The following ANKS1B variants were observed in gnomAD, a reference collection of about 807,000 sequenced individuals.
ANKS1B encodes ankyrin repeat and sterile alpha motif domain containing 1B, also known as ankyrin repeat and sterile alpha motif domain-containing protein 1B.
Under a neutral mutation model 148.3 loss-of-function variants are expected in ANKS1B, and 36 were observed. The observed-to-expected ratio is 0.24, with a 90% CI of 0.19 to 0.32. ANKS1B has a LOEUF of 0.32. Ranked by LOEUF, ANKS1B falls within the 10% of genes least tolerant of loss-of-function variation. The pLI is 1.00. For missense variants in ANKS1B, 1,157 were observed against 1,542.6 expected (o/e 0.75, Z 4.19); for synonymous variants, 542 against 560.8 (o/e 0.97, Z 0.47).
intron 12 of ANKS1B, among the ~76,000 whole-genome samples, chr12:99,268,263 T>A (rs1171897371): frequency 2.0e-5 from 3 of 152,210 alleles, no homozygotes; most frequent in Non-Finnish European, 2.9e-5. Flanking sequence ...ATCTGTCATA[T>A]TAAAAGTAAC....
intron 1 of ANKS1B, among the ~76,000 whole-genome samples, chr12:99,879,743 C>T (rs1768350223): frequency 6.6e-6 from 1 of 152,114 alleles, no homozygotes; most frequent in Non-Finnish European, 1.5e-5. Context: ...GTACCTGTTG[C>T]TTTTGTTTGT....
rs149455804 is a variant in ANKS1B at position 99,760,038 on chromosome 12, A to C, written c.1128+12884T>G. On this transcript the variant is annotated intron_variant, in intron 8 of 26. Transcript: ENST00000683438. ...CCTCACAAATGTCATAAAGTTCAAA[A>C]CATAAAAATTAAAATATTTTAGAAA... 2.1e-3 allele frequency among the ~76,000 whole-genome samples: 314 copies of C among 152,054 alleles called. 5 individuals are homozygous for C. Among genetic ancestry groups the C allele is most frequent in the African/African-American group, 5.9e-3 (246 of 41,550 alleles).
intron 12 of ANKS1B, among the ~76,000 whole-genome samples, chr12:99,319,894 C>A (rs1305709234): frequency 6.6e-6 from 1 of 152,168 alleles, no homozygotes. Flanking sequence ...CTAGTGGTGA[C>A]AAAGTCTCTC....
chr12:98,820,852 A>G (rs1437064694), intron 19 of ANKS1B, among the ~76,000 whole-genome samples: 2 of 152,164 alleles, frequency 1.3e-5, no homozygotes, highest in Non-Finnish European at 2.9e-5. Flanking sequence ...TGGGCTTACA[A>G]GCTGGAAAAC....
chr12:99,280,192 A>ATG (rs201435384), intron 12 of ANKS1B, among the ~76,000 whole-genome samples: 6,868 of 150,984 alleles, frequency 0.045, 259 homozygotes, highest in African/African-American at 0.1. Context: ...GTGTACGTGC[A>ATG]TGTGTGTGTG....
chr12:99,182,415 A>C (rs1290680794), intron 14 of ANKS1B, among the ~76,000 whole-genome samples: 1 of 152,186 alleles, frequency 6.6e-6, no homozygotes, highest in Admixed American at 6.5e-5. Flanking sequence ...GAACATGCAA[A>C]GCTTTTCCTT....
chr12:98,741,528 C>G (rs1329079416), downstream of ANKS1B, among the ~76,000 whole-genome samples: 1 of 152,130 alleles, frequency 6.6e-6, no homozygotes, highest in Non-Finnish European at 1.5e-5. Context: ...TTCTGCCTGG[C>G]AACAATCAGC....
intron 2 of ANKS1B, among the ~76,000 whole-genome samples, chr12:99,812,558 CAGAG>C (rs113030122): frequency 0.043 from 3,164 of 73,452 alleles, 80 homozygotes; most frequent in African/African-American, 0.091. Context: ...CACACACACA[CAGAG>C]AGAGAGAGAG....
At chr12:98,990,440 T>G (rs2099925898) in intron 17 of ANKS1B, among the ~76,000 whole-genome samples, 1 of 151,960 alleles carries the variant, frequency 6.6e-6, no homozygotes, top group South Asian at 2.1e-4. Context: ...GAGTCAATGT[T>G]TTTTTTCTAA....
At chr12:99,457,727 C>G (rs2095870178) in intron 10 of ANKS1B, among the ~76,000 whole-genome samples, 1 of 151,964 alleles carries the variant, frequency 6.6e-6, no homozygotes, top group Admixed American at 6.6e-5. Context: ...AGGAAAACAT[C>G]ACAAACCTAA....
intron 12 of ANKS1B, among the ~76,000 whole-genome samples, chr12:99,391,375 T>A (rs990323521): frequency 6.6e-6 from 1 of 152,172 alleles, no homozygotes; most frequent in Admixed American, 6.5e-5. Flanking sequence ...ACTGCTGTCA[T>A]TTCTCTCCTT....
chr12:99,341,566 A>T (rs543188460), intron 12 of ANKS1B, among the ~76,000 whole-genome samples: 1 of 152,250 alleles, frequency 6.6e-6, no homozygotes, highest in East Asian at 1.9e-4. Context: ...AAATTTGCTC[A>T]GTAGAACCAA....
In ANKS1B at chr12:99,504,577, A is replaced by G. The variant is rs1342555921; in HGVS notation, c.1337T>C (p.Phe446Ser). The G allele has an allele frequency of 6.2e-7, 1 of 1,612,558 alleles. No homozygotes were observed. Among genetic ancestry groups the G allele is most frequent in the Non-Finnish European group, 8.5e-7 (1 of 1,179,248 alleles). ...EIVPSASLDTFPSENENFLCD... is the reference protein window; with the variant it reads ...EIVPSASLDTSPSENENFLCD... The stretch of plus-strand genomic sequence containing the variant: ...CAGAAAGTTCTCATTTTCTGAAGGA[A>G]ATGTATCCAGAGAAGCAGATGGTAC... The change falls in exon 10 of 27, where the codon TTT (phenylalanine) becomes TCT (serine). Residue 446 changes from phenylalanine (F) to serine (S), a missense_variant. Phe to Ser is a radical substitution (Grantham distance 155). Transcript: ENST00000683438.
intron 1 of ANKS1B, among the ~76,000 whole-genome samples, chr12:99,844,556 T>C (rs2086314192): frequency 6.6e-6 from 1 of 152,186 alleles, no homozygotes; most frequent in South Asian, 2.1e-4. Flanking sequence ...AGGTGTATGA[T>C]GTTATTTCTG....
At chr12:99,191,619 TCA>T (rs144781237) in intron 14 of ANKS1B, among the ~76,000 whole-genome samples, 37,165 of 151,876 alleles carry the variant, frequency 0.24, 4,699 homozygotes, top group Middle Eastern at 0.27. Context: ...CCATATACTC[TCA>T]CTCATAAGTG....
At chr12:99,193,969 T>G (rs1371682959) in intron 14 of ANKS1B, among the ~76,000 whole-genome samples, 1 of 151,766 alleles carries the variant, frequency 6.6e-6, no homozygotes, top group East Asian at 1.9e-4. Flanking sequence ...ACCTAGCTAA[T>G]TTTTGTATTT....
At chr12:99,833,666 C>CA (rs1269826461) in intron 1 of ANKS1B, among the ~76,000 whole-genome samples, 1 of 151,792 alleles carries the variant, frequency 6.6e-6, no homozygotes, top group Non-Finnish European at 1.5e-5. Flanking sequence ...GTACCTCAGG[C>CA]AAAAAATGGA....
intron 20 of ANKS1B, among the ~76,000 whole-genome samples, chr12:98,806,358 C>T (rs924395179): frequency 6.6e-6 from 1 of 152,026 alleles, no homozygotes; most frequent in Non-Finnish European, 1.5e-5. Flanking sequence ...CCTTTAAAAT[C>T]TTTTCTATGA....
At chr12:99,490,322 C>G (rs1274538159) in intron 10 of ANKS1B, among the ~76,000 whole-genome samples, 1 of 152,170 alleles carries the variant, frequency 6.6e-6, no homozygotes, top group Non-Finnish European at 1.5e-5. Flanking sequence ...GCCAGATTTG[C>G]TTCTGAATTC....
Sources: gnomAD v4.1 joint callset for allele counts (sites outside exome capture counted in the v4.1 genomes callset) on GRCh38, gnomAD v4.1.1 for gene constraint, MANE v1.5 for transcripts, NCBI Gene and HGNC (gene_info 2026-07-23, HGNC 2026-07-21) for gene names.